MBOAT1: variants seen among roughly 807,000 people sequenced by gnomAD.
The protein encoded by MBOAT1 is membrane bound glycerophospholipid O-acyltransferase 1, also known as membrane-bound glycerophospholipid O-acyltransferase 1.
MBOAT1 carries 67 observed loss-of-function variants against 64.4 expected under a neutral mutation model. The observed-to-expected ratio is 1.04, with a 90% CI of 0.85 to 1.27. The LOEUF (loss-of-function observed/expected upper bound fraction) is 1.27, where lower values mean the gene tolerates loss of function less well. MBOAT1 is among the 50% of genes most tolerant of loss of function. The pLI is 0.00. For synonymous variants in MBOAT1, 229 were observed against 218.9 expected, an observed-to-expected ratio of 1.05 and a Z score of -0.41; for missense variants, 563 against 604.6, an observed-to-expected ratio of 0.93 and a Z score of 0.72.
intron 9 of MBOAT1, among the ~76,000 whole-genome samples, chr6:20,116,150 G>C (rs779804276): frequency 2.2e-4 from 33 of 152,182 alleles, no homozygotes; most frequent in Non-Finnish European, 3.5e-4. Context: ...TGGCCAACAT[G>C]GCGAAACCCA....
chr6:20,180,919 G>A (rs1217711311), intron 1 of MBOAT1, among the ~76,000 whole-genome samples: 1 of 152,146 alleles, frequency 6.6e-6, no homozygotes, highest in African/African-American at 2.4e-5. Flanking sequence ...TAAAATTTAA[G>A]AATTAAAGAA....
At chr6:20,159,963 T>C (rs1340729736) in intron 1 of MBOAT1, among the ~76,000 whole-genome samples, 1 of 152,124 alleles carries the variant, frequency 6.6e-6, no homozygotes, top group African/African-American at 2.4e-5. Context: ...AATTAAAGTA[T>C]TGTGTGGGCC....
chr6:20,111,821 T>G (rs1482139032), intron 11 of MBOAT1, among the ~76,000 whole-genome samples: 1 of 131,660 alleles, frequency 7.6e-6, no homozygotes, highest in East Asian at 2.2e-4. Flanking sequence ...TATACATATA[T>G]ATACATATAT....
At chr6:20,159,951 AC>A (rs1359418381) in intron 1 of MBOAT1, among the ~76,000 whole-genome samples, 1 of 152,230 alleles carries the variant, frequency 6.6e-6, no homozygotes, top group Non-Finnish European at 1.5e-5. Flanking sequence ...TGTGCTCTCA[AC>A]AATTAAAGTA....
At chr6:20,146,025 A>G (rs1761315786) in intron 3 of MBOAT1, among the ~76,000 whole-genome samples, 1 of 152,230 alleles carries the variant, frequency 6.6e-6, no homozygotes, top group Non-Finnish European at 1.5e-5. Context: ...ACTCATTGTG[A>G]CCTTGAACGT....
In MBOAT1 at chr6:20,126,591, G is replaced by A; in HGVS notation, c.640C>T (p.His214Tyr). 2 of 1,613,970 alleles carry A rather than the reference G, an allele frequency of 1.2e-6. No homozygotes were observed. Among genetic ancestry groups the A allele is most frequent in the East Asian group, 2.2e-5 (1 of 44,882 alleles). ...KDYIAFIEGK[H>Y]IHMKLLEVNW... ...ACCTCCAGCAACTTCATGTGTATAT[G>A]CTTCCCCTCAATGAAGGCTATGTAG... The change falls in exon 7 of 13, where the codon CAT becomes TAT. Residue 214 changes from histidine to tyrosine, a missense_variant. Physicochemically the swap from His to Tyr is moderately conservative, Grantham distance 83. Coordinates refer to ENST00000324607, the MANE Select transcript of MBOAT1 (RefSeq NM_001080480.3).
rs1338041512 is a variant in MBOAT1, at chr6:20,109,491, A to G, written c.1361+107T>C. On this transcript the variant is annotated intron_variant, in intron 12 of 12. Coordinates refer to ENST00000324607, the MANE Select transcript of MBOAT1 (RefSeq NM_001080480.3). Reference sequence around the variant, plus strand: ...TGGACACTTCCCACACTGAAGCCCCAGTTAGAAGTGTTTAGGACTGCTTCA... The same window carrying G: ...TGGACACTTCCCACACTGAAGCCCCGGTTAGAAGTGTTTAGGACTGCTTCA... 4 of 1,345,730 alleles carry G rather than the reference A, an allele frequency of 3.0e-6. 1 individual carries two copies. The South Asian group carries it at 5.6e-5, about 19-fold the overall frequency. The allele number at this position is 1,345,730 out of a possible 1,614,324, so 83.4% of individuals were successfully genotyped here. A position where few individuals can be genotyped will look rare whatever the true frequency, so the allele number is the denominator to read the frequency against.
chr6:20,178,737 C>T (rs1762425331), intron 1 of MBOAT1, among the ~76,000 whole-genome samples: 1 of 152,088 alleles, frequency 6.6e-6, no homozygotes, highest in African/African-American at 2.4e-5. Flanking sequence ...ACATTCATTC[C>T]CTGATTCTGG....
Position 20,128,701 on chromosome 6 carries a change from G to T in MBOAT1, c.528C>A (p.Ile176=). 2 of 1,608,292 alleles carry T rather than the reference G, an allele frequency of 1.2e-6. No individual in the cohort carries two copies. The highest frequency in any genetic ancestry group is 1.7e-5 in the Admixed American group (1 of 59,136). The change falls in exon 6 of 13, where the codon ATC becomes ATA. Residue 176 remains isoleucine (I), a splice_region_variant and synonymous_variant. Transcript: ENST00000324607. ...DLSAEQHRLA[I]KVKPSFLEYL... ...ATATATCGTTACACTTCACTTACTTGATAGCAAGTCGATGTTGTTCAGCAG... is the reference window on the plus strand; with the variant it reads ...ATATATCGTTACACTTCACTTACTTTATAGCAAGTCGATGTTGTTCAGCAG...
At chr6:20,203,397 C>T (rs1020628945) in intron 1 of MBOAT1, among the ~76,000 whole-genome samples, 8 of 152,116 alleles carry the variant, frequency 5.3e-5, no homozygotes, top group African/African-American at 1.7e-4. Flanking sequence ...CTTTAAATAA[C>T]TCAAGATAAA....
intron 8 of MBOAT1, among the ~76,000 whole-genome samples, chr6:20,120,808 C>A (rs1257887968): frequency 6.6e-6 from 1 of 152,208 alleles, no homozygotes; most frequent in Non-Finnish European, 1.5e-5. Context: ...ACTCTCAGAA[C>A]CACACTGAGC....
At chr6:20,169,754 T>G (rs1762136216) in intron 1 of MBOAT1, among the ~76,000 whole-genome samples, 1 of 152,228 alleles carries the variant, frequency 6.6e-6, no homozygotes, top group Non-Finnish European at 1.5e-5. Context: ...TGGTGCCTAT[T>G]AATTCTCCTA....
At chr6:20,188,122 G>A (rs766710029) in intron 1 of MBOAT1, among the ~76,000 whole-genome samples, 4 of 152,200 alleles carry the variant, frequency 2.6e-5, no homozygotes, top group African/African-American at 4.8e-5. Context: ...AAGGATTAGA[G>A]GGTATTCAGA....
chr6:20,117,388 A>C (rs986144879), intron 9 of MBOAT1, among the ~76,000 whole-genome samples: 8 of 152,090 alleles, frequency 5.3e-5, no homozygotes, highest in African/African-American at 1.9e-4. Flanking sequence ...GCATGCTTCT[A>C]TTTCTTTCTG....
In MBOAT1 at chr6:20,100,763, A is replaced by G. The variant is rs905460160; in HGVS notation, c.*1523T>C. On this transcript the variant is annotated 3_prime_UTR_variant, in exon 13 of 13. Transcript: ENST00000324607. ...TAAGAAATTAATTTTTTATCGTTGG[A>G]TTTGAATAAATTTTCTTCTCCCAAG... 1.3e-5 allele frequency among the ~76,000 whole-genome samples: 2 copies of G among 152,150 alleles called. No homozygotes were observed. The highest frequency in any genetic ancestry group is 6.5e-5 in the Admixed American group (1 of 15,268).
chr6:20,112,945 C>A lies in MBOAT1; in HGVS notation c.1140G>T (p.Trp380Cys). The stretch of plus-strand genomic sequence containing the variant: ...AATAGTATCCAGGGTAGACACCATG[C>A]CACAAAGCAGACAGGATGAAGGTTA... ...TVLTFILSALWHGVYPGYYFT... is the reference protein window; with the variant it reads ...TVLTFILSALCHGVYPGYYFT... Residue 380 changes from tryptophan to cysteine, a missense_variant, in exon 11 of 13, where the codon TGG (tryptophan) becomes TGT (cysteine). By Grantham distance (215) the Trp-to-Cys change is radical (BLOSUM62 -2). Coordinates refer to ENST00000324607, the MANE Select transcript of MBOAT1 (RefSeq NM_001080480.3). 1 of 1,614,106 alleles carries A rather than the reference C, an allele frequency of 6.2e-7. No individual in the cohort carries two copies. The highest frequency in any genetic ancestry group is 8.5e-7 in the Non-Finnish European group (1 of 1,179,968).
chr6:20,202,228 C>T (rs1202963700), intron 1 of MBOAT1, among the ~76,000 whole-genome samples: 1 of 152,142 alleles, frequency 6.6e-6, no homozygotes, highest in East Asian at 1.9e-4. Flanking sequence ...AAATGAATAA[C>T]AGAATATTTT....
chr6:20,110,225 T>C (rs2113629425), intron 11 of MBOAT1, among the ~76,000 whole-genome samples: 1 of 149,662 alleles, frequency 6.7e-6, no homozygotes, highest in Admixed American at 6.6e-5. Context: ...TCTTTTTTTT[T>C]TTTTTAAATA....
At position 20,183,352 on chromosome 6, in the gene MBOAT1, C is replaced by T. The variant is rs1381588174; in HGVS notation, c.99+28784G>A. ...CTCTATAGGTGAGCAGGTGCCACAACCAGCTGAGCCAGGTACAGCCACATG... is the reference window on the plus strand; with the variant it reads ...CTCTATAGGTGAGCAGGTGCCACAATCAGCTGAGCCAGGTACAGCCACATG... On this transcript the variant is annotated intron_variant, in intron 1 of 12. Transcript: ENST00000324607. Among the ~76,000 whole-genome samples, 16 of 152,312 alleles carry T rather than the reference C, an allele frequency of 1.1e-4. No homozygotes were observed. The East Asian group carries it at 2.5e-3, about 24-fold the overall frequency.
Sources: gnomAD v4.1 joint callset for allele counts (sites outside exome capture counted in the v4.1 genomes callset) on GRCh38, gnomAD v4.1.1 for gene constraint, MANE v1.5 for transcripts, NCBI Gene and HGNC (gene_info 2026-07-23, HGNC 2026-07-21) for gene names.